Variants in CYP2C19 observed in about 807,000 individuals in gnomAD.
The protein encoded by CYP2C19 is cytochrome P450 family 2 subfamily C member 19.
In CYP2C19, 59 loss-of-function variants were observed where a neutral mutation model predicts 40.9. That is an observed-to-expected ratio of 1.44 (90% CI 1.17 to 1.79). The LOEUF is 1.79. Among genes scored for constraint, CYP2C19 ranks in the 40% most tolerant of loss-of-function variants. The pLI is 0.00. For missense variants in CYP2C19, 754 were observed against 596.9 expected (o/e 1.26, Z -2.74); for synonymous variants, 253 against 208.7 (o/e 1.21, Z -1.83).
intron 5 of CYP2C19, among the ~76,000 whole-genome samples, chr10:94,818,802 G>T (rs1317250661): frequency 2.0e-5 from 3 of 150,710 alleles, no homozygotes; most frequent in Non-Finnish European, 4.4e-5. Flanking sequence ...TGAGACGATG[G>T]GGTTTTCTAG....
At chr10:94,772,872 C>T (rs1848354224) in intron 1 of CYP2C19, among the ~76,000 whole-genome samples, 1 of 152,188 alleles carries the variant, frequency 6.6e-6, no homozygotes, top group Admixed American at 6.5e-5. Flanking sequence ...AGCTCCGCTT[C>T]CTGGGTTCAT....
At chr10:94,766,601 T>A (rs763744337) in intron 1 of CYP2C19, among the ~76,000 whole-genome samples, 4 of 152,138 alleles carry the variant, frequency 2.6e-5, no homozygotes, top group Non-Finnish European at 5.9e-5. Context: ...ATAAAGATTA[T>A]GTAGGTTTTC....
chr10:94,812,649 C>A (rs1026929012), intron 5 of CYP2C19, among the ~76,000 whole-genome samples: 2 of 152,020 alleles, frequency 1.3e-5, no homozygotes, highest in Non-Finnish European at 2.9e-5. Context: ...GATATCCTTT[C>A]TTCTGCTTTA....
intron 6 of CYP2C19, among the ~76,000 whole-genome samples, chr10:94,834,972 G>A (rs573236099): frequency 6.6e-6 from 1 of 152,258 alleles, no homozygotes; most frequent in East Asian, 1.9e-4. Flanking sequence ...CTGCTGAATT[G>A]GGGTGTAGTA....
At chr10:94,829,243 A>T (rs1364339244) in intron 6 of CYP2C19, among the ~76,000 whole-genome samples, 1 of 152,152 alleles carries the variant, frequency 6.6e-6, no homozygotes, top group Non-Finnish European at 1.5e-5. Flanking sequence ...CTCCTGGATA[A>T]TATCCTGCAG....
chr10:94,812,719 C>T lies in CYP2C19; in HGVS notation c.820-7777C>T, dbSNP rs576368106. 2.0e-5 allele frequency among the ~76,000 whole-genome samples: 3 copies of T among 152,058 alleles called. No individual in the cohort carries two copies. The South Asian group carries it at 6.2e-4, about 32-fold the overall frequency. On this transcript the variant is annotated intron_variant, in intron 5 of 8. Coordinates refer to ENST00000371321, the MANE Select transcript of CYP2C19 (RefSeq NM_000769.4). Reference sequence around the variant, plus strand: ...AAAGTTCTCATTCTGTGTTCTTCAGCTCCATCAGGTCACTCATGTTCTTCT... The same window carrying T: ...AAAGTTCTCATTCTGTGTTCTTCAGTTCCATCAGGTCACTCATGTTCTTCT...
chr10:94,799,819 A>G (rs1264128027), intron 5 of CYP2C19, among the ~76,000 whole-genome samples: 1 of 152,078 alleles, frequency 6.6e-6, no homozygotes, highest in Non-Finnish European at 1.5e-5. Context: ...TTCTGCATGC[A>G]TCATGAAGTT....
intron 5 of CYP2C19, among the ~76,000 whole-genome samples, chr10:94,800,500 AGTCT>A (rs1848748646): frequency 6.6e-6 from 1 of 152,184 alleles, no homozygotes; most frequent in African/African-American, 2.4e-5. Flanking sequence ...TTGAGGTGGC[AGTCT>A]GTCTGTTCTC....
intron 1 of CYP2C19, among the ~76,000 whole-genome samples, chr10:94,764,002 G>C (rs1159568117): frequency 1.3e-5 from 2 of 152,068 alleles, no homozygotes; most frequent in East Asian, 3.9e-4. Context: ...GCTCTTAAAG[G>C]TGGCATGTCT....
intron 5 of CYP2C19, among the ~76,000 whole-genome samples, chr10:94,783,519 A>T (rs1379405819): frequency 1.3e-5 from 2 of 152,114 alleles, no homozygotes; most frequent in Admixed American, 1.3e-4. Flanking sequence ...CTCTTTTGTC[A>T]TTGCACCATT....
rs549157899 is a variant in CYP2C19 at position 94,789,319 on chromosome 10, C to T, written c.819+7322C>T. Reference sequence around the variant, plus strand: ...GGCCTGTTCACTCTGACGATAGTTTCTTTTGCTCTGGAGAAGCTCTTTAGT... The same window carrying T: ...GGCCTGTTCACTCTGACGATAGTTTTTTTTGCTCTGGAGAAGCTCTTTAGT... On this transcript the variant is annotated intron_variant, in intron 5 of 8. Transcript: ENST00000371321. 5.1e-4 allele frequency among the ~76,000 whole-genome samples: 78 copies of T among 151,996 alleles called. 1 individual carries two copies. Among genetic ancestry groups the T allele is most frequent in the Admixed American group, 7.8e-4 (12 of 15,290 alleles).
At chr10:94,772,075 A>G (rs760505148) in intron 1 of CYP2C19, among the ~76,000 whole-genome samples, 5 of 152,142 alleles carry the variant, frequency 3.3e-5, no homozygotes, top group African/African-American at 4.8e-5. Context: ...CCTGTGTCCT[A>G]TGAAGATGTT....
At chr10:94,792,335 A>G (rs937981366) in intron 5 of CYP2C19, among the ~76,000 whole-genome samples, 1 of 152,096 alleles carries the variant, frequency 6.6e-6, no homozygotes, top group African/African-American at 2.4e-5. Flanking sequence ...GTGCCTTTTA[A>G]TTGGAGCATT....
intron 6 of CYP2C19, among the ~76,000 whole-genome samples, chr10:94,840,521 A>G (rs1009900073): frequency 2.6e-5 from 4 of 152,164 alleles, no homozygotes; most frequent in African/African-American, 4.8e-5. Flanking sequence ...AGTCTGAAAC[A>G]TTAGTACCTA....
intron 5 of CYP2C19, among the ~76,000 whole-genome samples, chr10:94,817,525 A>G (rs1261995253): frequency 3.6e-4 from 52 of 144,870 alleles, no homozygotes; most frequent in African/African-American, 1.3e-3. Context: ...CCCATGTTGT[A>G]GGTTGCCTGT....
chr10:94,795,536 G>A (rs1848671356), intron 5 of CYP2C19, among the ~76,000 whole-genome samples: 1 of 150,702 alleles, frequency 6.6e-6, no homozygotes, highest in Non-Finnish European at 1.5e-5. Context: ...GGATGGCTGG[G>A]TCAAATGGTA....
chr10:94,820,419 G>T, intron 5 of CYP2C19, 77 bp from the exon 6 acceptor site: 1 of 1,514,022 alleles, frequency 6.6e-7, no homozygotes, highest in Non-Finnish European at 9.2e-7. Flanking sequence ...AGTATACAAT[G>T]TGAGTAATTT....
intron 6 of CYP2C19, among the ~76,000 whole-genome samples, chr10:94,832,289 G>T (rs77923111): frequency 6.6e-5 from 10 of 152,160 alleles, no homozygotes; most frequent in Non-Finnish European, 1.5e-4. Flanking sequence ...ACATGGCTGG[G>T]GATGCCTCAA....
chr10:94,795,503 T>C (rs1335809289), intron 5 of CYP2C19, among the ~76,000 whole-genome samples: 4 of 152,072 alleles, frequency 2.6e-5, no homozygotes, highest in South Asian at 4.1e-4. Context: ...GTTTATAATC[T>C]TTTGGGTATT....
Sources: gnomAD v4.1 joint callset for allele counts (sites outside exome capture counted in the v4.1 genomes callset) on GRCh38, gnomAD v4.1.1 for gene constraint, MANE v1.5 for transcripts, NCBI Gene and HGNC (gene_info 2026-07-23, HGNC 2026-07-21) for gene names.